The following TXNRD2 variants were observed in gnomAD, a reference collection of about 807,000 sequenced individuals.
The protein encoded by TXNRD2 is thioredoxin reductase 2, mitochondrial.
TXNRD2 carries 67 observed loss-of-function variants against 70.8 expected under a neutral mutation model. That is an observed-to-expected ratio of 0.95 (90% CI 0.78 to 1.16). The LOEUF is 1.16. TXNRD2 is among the 50% of genes most tolerant of loss of function. The pLI is 0.00. For missense variants in TXNRD2, 644 were observed against 719.9 expected (o/e 0.89, Z 1.21); for synonymous variants, 301 against 295.8 (o/e 1.02, Z -0.18).
intron 8 of TXNRD2, among the ~76,000 whole-genome samples, chr22:19,905,310 C>T (rs765906654): frequency 5.3e-5 from 8 of 152,076 alleles, no homozygotes; most frequent in South Asian, 2.1e-4. Context: ...TCCTTCTAAA[C>T]GAAAGAGCTT....
chr22:19,909,381 A>C (rs950318082), intron 8 of TXNRD2, among the ~76,000 whole-genome samples: 3 of 152,084 alleles, frequency 2.0e-5, no homozygotes, highest in Non-Finnish European at 4.4e-5. Context: ...ATGCTCATTA[A>C]CAAGAGAAAG....
intron 9 of TXNRD2, 91 bp downstream of exon 9, chr22:19,898,955 AAAG>A: frequency 6.6e-7 from 1 of 1,526,210 alleles, no homozygotes; most frequent in Non-Finnish European, 8.9e-7. Flanking sequence ...CTGAGGCAGC[AAAG>A]AGCCTGCCGG....
At chr22:19,894,981 A>G in intron 11 of TXNRD2, 2 of 1,470,482 alleles carry the variant, frequency 1.4e-6, no homozygotes, top group Non-Finnish European at 1.8e-6. Flanking sequence ...AAAAAAAAAA[A>G]AAAAAGAAAA....
At chr22:19,918,813 C>T (rs1940754080) in intron 4 of TXNRD2, 47 bp downstream of exon 4, 1 of 1,599,350 alleles carries the variant, frequency 6.3e-7, no homozygotes, top group African/African-American at 1.3e-5. Flanking sequence ...CTCTTCCACC[C>T]AAGAGTAGAA....
At position 19,941,706 on chromosome 22, in the gene TXNRD2, G is replaced by C; in HGVS notation, c.98C>G (p.Ala33Gly). 1.3e-6 allele frequency: 2 copies of C among 1,482,962 alleles called. No homozygotes were observed. The highest frequency in any genetic ancestry group is 1.8e-6 in the Non-Finnish European group (2 of 1,123,946). 91.9% of individuals were successfully genotyped at this position (1,482,962 alleles called of 1,614,324 possible). A position where few individuals can be genotyped will look rare whatever the true frequency, so the allele number is the denominator to read the frequency against. ...ACGCCCCGACCCCATCCTACCTGCTGCGCCCCGCGCCGCGCCCCGCACCCC... is the reference window on the plus strand; with the variant it reads ...ACGCCCCGACCCCATCCTACCTGCTCCGCCCCGCGCCGCGCCCCGCACCCC... Reference protein sequence around the residue: ...AGGVRGAARGAAAGQRDYDLL... With the variant: ...AGGVRGAARGGAAGQRDYDLL... Residue 33 changes from alanine to glycine, a missense_variant, in exon 1 of 18, where the codon GCA (alanine) becomes GGA (glycine). Physicochemically the swap from Ala to Gly is moderately conservative, Grantham distance 60. Coordinates refer to ENST00000400521, the MANE Select transcript of TXNRD2 (RefSeq NM_006440.5).
At chr22:19,881,281 A>C (rs1240198344) in intron 12 of TXNRD2, 1 of 394,206 alleles carries the variant, frequency 2.5e-6, no homozygotes, top group Admixed American at 4.4e-5. Context: ...GCCAATCACC[A>C]TGGCAGCAGG....
chr22:19,882,572 C>T (rs1336518553), intron 12 of TXNRD2, among the ~76,000 whole-genome samples: 2 of 152,178 alleles, frequency 1.3e-5, no homozygotes, highest in African/African-American at 2.4e-5. Context: ...CTGGGCCACC[C>T]GTGTGTGGTG....
At chr22:19,894,083 T>C (rs1165389095) in intron 11 of TXNRD2, 1 of 152,220 alleles carries the variant, frequency 6.6e-6, no homozygotes. Context: ...TGCTGGCACA[T>C]GCTACACAAA....
intron 1 of TXNRD2, chr22:19,932,552 G>C: frequency 6.0e-6 from 9 of 1,490,770 alleles, no homozygotes; most frequent in Non-Finnish European, 8.1e-6. Context: ...CCTGAGGTCC[G>C]GGACACCCAG....
chr22:19,882,533 C>G (rs560161596), intron 12 of TXNRD2, among the ~76,000 whole-genome samples: 2 of 152,298 alleles, frequency 1.3e-5, no homozygotes, highest in East Asian at 1.9e-4. Flanking sequence ...TACTGCCCCC[C>G]AAACGTGAGA....
chr22:19,910,152 C>T (rs1940342335), intron 8 of TXNRD2, among the ~76,000 whole-genome samples: 3 of 152,218 alleles, frequency 2.0e-5, no homozygotes, highest in Admixed American at 6.5e-5. Flanking sequence ...AACATGAAGT[C>T]TCCACACCCC....
At chr22:19,925,754 A>C (rs1214287847) in intron 2 of TXNRD2, among the ~76,000 whole-genome samples, 1 of 151,986 alleles carries the variant, frequency 6.6e-6, no homozygotes, top group Non-Finnish European at 1.5e-5. Context: ...ACAGGTGTAA[A>C]TCTTTGTGAT....
chr22:19,894,336 C>T (rs1459778445), intron 11 of TXNRD2: 1 of 152,212 alleles, frequency 6.6e-6, no homozygotes, highest in Non-Finnish European at 1.5e-5. Flanking sequence ...GGTCATGCTG[C>T]TTGTACAATA....
chr22:19,929,637 C>T (rs1941283494), intron 2 of TXNRD2, among the ~76,000 whole-genome samples: 2 of 152,136 alleles, frequency 1.3e-5, no homozygotes, highest in Admixed American at 1.3e-4. Context: ...AGAAATCAGC[C>T]CTGCCCGCAC....
intron 10 of TXNRD2, among the ~76,000 whole-genome samples, chr22:19,896,080 G>A (rs913510498): frequency 2.6e-5 from 4 of 152,002 alleles, no homozygotes; most frequent in Non-Finnish European, 5.9e-5. Flanking sequence ...GGCGGATCAC[G>A]AGGTCAGGAG....
rs144078650 is a variant in TXNRD2, at chr22:19,884,993, C to T, written c.950-1532G>A. Among the ~76,000 whole-genome samples the T allele has an allele frequency of 5.7e-3, 865 of 152,308 alleles. 8 individuals carry two copies. The highest frequency in any genetic ancestry group is 0.02 in the African/African-American group (835 of 41,570). On this transcript the variant is annotated intron_variant, in intron 11 of 17. Transcript: ENST00000400521. ...TAGGGGGCAGCTGGCTCAGCTGATC[C>T]TGCTCTTGGGTGCAAAGGCCAAGAG...
At chr22:19,936,927 C>T (rs1941556962) in intron 1 of TXNRD2, among the ~76,000 whole-genome samples, 1 of 152,146 alleles carries the variant, frequency 6.6e-6, no homozygotes, top group Non-Finnish European at 1.5e-5. Context: ...GCTGGAACCT[C>T]CTAATGCTCA....
At chr22:19,918,320 A>C in intron 4 of TXNRD2, 103 bp from the exon 5 acceptor site, 12 of 1,098,096 alleles carry the variant, frequency 1.1e-5, no homozygotes, top group Non-Finnish European at 1.5e-5. Context: ...TAGAAATATC[A>C]AAAAACAAGA....
intron 11 of TXNRD2, among the ~76,000 whole-genome samples, chr22:19,893,495 T>C (rs1001551529): frequency 6.6e-6 from 1 of 152,214 alleles, no homozygotes; most frequent in Non-Finnish European, 1.5e-5. Context: ...CCATCTGCAA[T>C]GGCCTCCTCT....
Sources: gnomAD v4.1 joint callset for allele counts (sites outside exome capture counted in the v4.1 genomes callset) on GRCh38, gnomAD v4.1.1 for gene constraint, MANE v1.5 for transcripts, NCBI Gene and HGNC (gene_info 2026-07-23, HGNC 2026-07-21) for gene names.